The following FAM53A variants were observed in gnomAD, a reference collection of about 807,000 sequenced individuals.
FAM53A encodes the protein protein FAM53A.
Under a neutral mutation model 26.6 loss-of-function variants are expected in FAM53A, and 28 were observed. The observed-to-expected ratio is 1.05, with a 90% CI of 0.78 to 1.45. FAM53A has a LOEUF of 1.45. Among genes scored for constraint, FAM53A ranks in the 40% most tolerant of loss-of-function variants. The probability of loss-of-function intolerance (pLI) is 0.00; values close to 1 mark genes in which losing one functional copy is unlikely to be tolerated. For missense variants in FAM53A, 650 were observed against 575.8 expected (o/e 1.13, Z -1.32); for synonymous variants, 290 against 253.1 (o/e 1.15, Z -1.38).
chr4:1,584,258 AG>A, the FAM53A span, among the ~76,000 whole-genome samples: 4,673 of 152,282 alleles, frequency 0.031, 121 homozygotes, highest in Non-Finnish European at 0.046. Flanking sequence ...TTCCTATCCA[AG>A]GTCACAAAGA....
rs1322619205 is a variant in FAM53A, at chr4:1,659,312, G to A, written c.76-1844C>T. 6.6e-6 allele frequency among the ~76,000 whole-genome samples: 1 copy of A among 152,232 alleles called. No homozygotes were observed. ...CTTTCACGCCACAGGGACCCTTGTTGCTGTCGATCCTCCCAGCCCCGGGCC... is the reference window on the plus strand; with the variant it reads ...CTTTCACGCCACAGGGACCCTTGTTACTGTCGATCCTCCCAGCCCCGGGCC... On this transcript the variant is annotated intron_variant, in intron 2 of 4. Transcript: ENST00000308132. This position sits in a 1 kb window ranked among gnomAD's most constrained non-coding sequence, Gnocchi z 5.2.
the FAM53A span, among the ~76,000 whole-genome samples, chr4:1,594,525 A>T: frequency 6.6e-6 from 1 of 152,158 alleles, no homozygotes; most frequent in East Asian, 1.9e-4. Flanking sequence ...TCTTTTCAAA[A>T]ATCTGGTAAT....
chr4:1,620,824 G>A (rs960671749), intron 1 of FAM53A, among the ~76,000 whole-genome samples: 6 of 152,032 alleles, frequency 3.9e-5, no homozygotes, highest in South Asian at 2.1e-4. Flanking sequence ...CCATCAACAC[G>A]GTAGCAGCAA....
chr4:1,673,378 CCCT>C (rs766666682), intron 1 of FAM53A, among the ~76,000 whole-genome samples: 6 of 152,316 alleles, frequency 3.9e-5, no homozygotes, highest in South Asian at 4.1e-4. Context: ...GGTCTGCACG[CCCT>C]CGACAGAGAA....
chr4:1,632,484 C>G (rs1017331297), intron 1 of FAM53A, among the ~76,000 whole-genome samples: 1 of 152,166 alleles, frequency 6.6e-6, no homozygotes, highest in African/African-American at 2.4e-5. Context: ...GACATGGACC[C>G]CCAAGAAGAC....
the FAM53A span, among the ~76,000 whole-genome samples, chr4:1,608,803 G>T: frequency 3.9e-5 from 6 of 152,152 alleles, no homozygotes; most frequent in South Asian, 6.2e-4. Context: ...CAATACTTCT[G>T]CTGAGCTGTG....
At chr4:1,672,119 A>C (rs1214524679) in intron 1 of FAM53A, among the ~76,000 whole-genome samples, 1 of 150,584 alleles carries the variant, frequency 6.6e-6, no homozygotes, top group African/African-American at 2.4e-5. Context: ...CAGATCCAGG[A>C]ACCCAGGGAC....
At chr4:1,682,584 A>T (rs1413395045) in intron 1 of FAM53A, among the ~76,000 whole-genome samples, 1 of 151,798 alleles carries the variant, frequency 6.6e-6, no homozygotes, top group Non-Finnish European at 1.5e-5. Flanking sequence ...TTAGAAAAAC[A>T]TTTTCCCTGT....
the FAM53A span, among the ~76,000 whole-genome samples, chr4:1,606,753 T>C: frequency 4.6e-5 from 7 of 152,184 alleles, no homozygotes; most frequent in Non-Finnish European, 8.8e-5. Flanking sequence ...AGCGTTCCCC[T>C]GCGAGGGACT....
At chr4:1,605,583 C>G in the FAM53A span, among the ~76,000 whole-genome samples, 2 of 152,060 alleles carry the variant, frequency 1.3e-5, no homozygotes, top group Admixed American at 1.3e-4. The surrounding 1 kb of genome is among the most constrained non-coding windows in gnomAD (Gnocchi z 5.7). Context: ...GCCACACTTC[C>G]CATCCCTCCT....
intron 4 of FAM53A, among the ~76,000 whole-genome samples, chr4:1,643,310 C>CAA (rs1442896828): frequency 1.3e-5 from 2 of 151,786 alleles, no homozygotes; most frequent in African/African-American, 2.4e-5. Context: ...ACTAAAAATA[C>CAA]AAAAAATTAA....
the FAM53A span, among the ~76,000 whole-genome samples, chr4:1,586,257 G>A: frequency 1.3e-5 from 2 of 151,602 alleles, no homozygotes; most frequent in East Asian, 3.9e-4. Context: ...GCAGTGGCGC[G>A]ATCTCGGCTC....
the FAM53A span, among the ~76,000 whole-genome samples, chr4:1,597,220 G>A: frequency 7.7e-5 from 8 of 103,302 alleles, no homozygotes; most frequent in South Asian, 2.6e-4. Flanking sequence ...GCCCTCAGCC[G>A]CCTGGCTCTC....
At chr4:1,574,370 C>T in the FAM53A span, 1 of 152,544 alleles carries the variant, frequency 6.6e-6, no homozygotes, top group Non-Finnish European at 1.5e-5. Context: ...TGGGGGTTGT[C>T]TCAGGGCCGG....
chr4:1,646,500 C>G (rs1213165463), intron 4 of FAM53A, among the ~76,000 whole-genome samples: 1 of 152,156 alleles, frequency 6.6e-6, no homozygotes, highest in Non-Finnish European at 1.5e-5. Context: ...TTTCTTGGTA[C>G]CAGGAGCTGC....
Position 1,655,304 on chromosome 4 carries a change from G to A in FAM53A, c.556C>T (p.Arg186Trp), listed in dbSNP as rs774104776. The change falls in exon 4 of 5, where the codon CGG becomes TGG. Residue 186 changes from arginine to tryptophan, a missense_variant. Physicochemically the swap from Arg to Trp is moderately radical, Grantham distance 101. Coordinates refer to ENST00000308132, the MANE Select transcript of FAM53A (RefSeq NM_001174070.3). ...STGPTSPATP[R>W]PSSASGGFVD... Reference sequence around the variant, plus strand: ...AAGCCGCCGCTGGCGGAGGACGGCCGGGGCGTGGCGGGCGAGGTGGGACCG... The same window carrying A: ...AAGCCGCCGCTGGCGGAGGACGGCCAGGGCGTGGCGGGCGAGGTGGGACCG... 20 of 1,417,696 alleles carry A rather than the reference G, an allele frequency of 1.4e-5. No individual in the cohort carries two copies. The South Asian group carries it at 1.5e-4, about 11-fold the overall frequency. The allele number at this position is 1,417,696 out of a possible 1,614,324, so 87.8% of individuals were successfully genotyped here.
chr4:1,639,159 A>C (rs1715982696), downstream of FAM53A, among the ~76,000 whole-genome samples: 1 of 152,220 alleles, frequency 6.6e-6, no homozygotes, highest in East Asian at 1.9e-4. Context: ...ATTGCTGTCC[A>C]GATTGCCATG....
At chr4:1,649,197 GA>G (rs1258712649) in intron 4 of FAM53A, among the ~76,000 whole-genome samples, 5 of 144,284 alleles carry the variant, frequency 3.5e-5, no homozygotes, top group Non-Finnish European at 6.1e-5. Context: ...AGGGGAAGGG[GA>G]AAGGGAAAGG....
chr4:1,671,342 C>T (rs868335370), intron 1 of FAM53A, among the ~76,000 whole-genome samples: 4 of 145,280 alleles, frequency 2.8e-5, no homozygotes, highest in Admixed American at 6.8e-5. Flanking sequence ...GCCCCCAGCT[C>T]ACAGCCACGG....
Sources: gnomAD v4.1 joint callset for allele counts (sites outside exome capture counted in the v4.1 genomes callset) on GRCh38, gnomAD v4.1.1 for gene constraint, Gnocchi (gnomAD v3.1) non-coding constraint, MANE v1.5 for transcripts, NCBI Gene and HGNC (gene_info 2026-07-23, HGNC 2026-07-21) for gene names.